Variants in SRBD1 observed in about 807,000 individuals in gnomAD.
SRBD1 encodes the protein S1 RNA-binding domain-containing protein 1.
A neutral mutation model predicts 115.3 loss-of-function variants in SRBD1; 88 were observed. That is an observed-to-expected ratio of 0.76 (90% CI 0.64 to 0.91). The LOEUF (loss-of-function observed/expected upper bound fraction) is 0.91. Ranked by LOEUF, SRBD1 falls within the 40% of genes least tolerant of loss-of-function variation. SRBD1 has a pLI of 0.00. For missense variants in SRBD1, 1,385 were observed against 1,177.4 expected, an observed-to-expected ratio of 1.18 and a Z score of -2.58; for synonymous variants, 509 against 407.7, an observed-to-expected ratio of 1.25 and a Z score of -2.99.
intron 14 of SRBD1, among the ~76,000 whole-genome samples, chr2:45,500,153 T>A (rs1670583131): frequency 1.3e-5 from 2 of 152,114 alleles, no homozygotes; most frequent in African/African-American, 4.8e-5. Flanking sequence ...CAACTTTCCA[T>A]CCTCTTTAAT....
intron 3 of SRBD1, among the ~76,000 whole-genome samples, chr2:45,601,090 A>G (rs1364570346): frequency 1.3e-5 from 2 of 152,232 alleles, no homozygotes; most frequent in Non-Finnish European, 2.9e-5. Context: ...TGACATATCT[A>G]AAGAAAGTGT....
At chr2:45,508,112 T>G (rs1670853206) in intron 14 of SRBD1, among the ~76,000 whole-genome samples, 1 of 152,202 alleles carries the variant, frequency 6.6e-6, no homozygotes. Flanking sequence ...GTTCAGCTAT[T>G]CAGTCACACT....
At chr2:45,483,596 AC>A (rs1215290147) in intron 15 of SRBD1, among the ~76,000 whole-genome samples, 3 of 152,148 alleles carry the variant, frequency 2.0e-5, no homozygotes, top group African/African-American at 7.2e-5. Context: ...TGCTTAAAAG[AC>A]TATACTGAAC....
chr2:45,459,762 C>T (rs1195780715), intron 16 of SRBD1, among the ~76,000 whole-genome samples: 3 of 152,096 alleles, frequency 2.0e-5, no homozygotes, highest in Non-Finnish European at 4.4e-5. Flanking sequence ...AAATTACTTT[C>T]CCAAGGTGAC....
chr2:45,553,601 T>C, intron 11 of SRBD1, 22 bp downstream of exon 11: 1 of 1,497,344 alleles, frequency 6.7e-7, no homozygotes, highest in Non-Finnish European at 9.0e-7. Flanking sequence ...GTACACAAAA[T>C]TAAACAAGAC....
chr2:45,465,315 C>CT (rs564494777), intron 16 of SRBD1, among the ~76,000 whole-genome samples: 1 of 152,028 alleles, frequency 6.6e-6, no homozygotes, highest in Non-Finnish European at 1.5e-5. Flanking sequence ...TGCAACTATC[C>CT]TTTTTTTCCT....
chr2:45,435,935 C>G (rs1668484851), intron 16 of SRBD1, among the ~76,000 whole-genome samples: 1 of 152,016 alleles, frequency 6.6e-6, no homozygotes, highest in African/African-American at 2.4e-5. Flanking sequence ...ACCTTAATTC[C>G]AAAACCAGAC....
chr2:45,406,076 T>TA (rs1330128558), intron 19 of SRBD1, among the ~76,000 whole-genome samples: 1 of 152,106 alleles, frequency 6.6e-6, no homozygotes, highest in Non-Finnish European at 1.5e-5. Flanking sequence ...AAAGCTATTA[T>TA]AAAAAACCTT....
rs138295553 is a variant in SRBD1, at chr2:45,463,783, T to G, written c.2049+13210A>C. ...TTGGAGTAATCTTATTCTACTATTT[T>G]TAGTCTACAAACTATGCATCCACAC... On this transcript the variant is annotated intron_variant, in intron 16 of 20. Coordinates refer to ENST00000263736, the MANE Select transcript of SRBD1 (RefSeq NM_018079.5). Among the ~76,000 whole-genome samples, 308 of 152,304 alleles carry G rather than the reference T, an allele frequency of 2.0e-3. 2 individuals carry two copies. The highest frequency in any genetic ancestry group is 7.2e-3 in the African/African-American group (301 of 41,566).
intron 16 of SRBD1, among the ~76,000 whole-genome samples, chr2:45,465,685 T>C (rs1669465894): frequency 6.6e-6 from 1 of 152,210 alleles, no homozygotes; most frequent in African/African-American, 2.4e-5. Flanking sequence ...AAATTTTAAG[T>C]GAAAGGCTAC....
At chr2:45,445,550 T>TAAAAAAAAAAAAAAA (rs59451865) in intron 16 of SRBD1, among the ~76,000 whole-genome samples, 5 of 37,042 alleles carry the variant, frequency 1.3e-4, no homozygotes, top group Non-Finnish European at 1.9e-4. Flanking sequence ...TTCCCAGAGG[T>TAAAAAAAAAAAAAAA]AAAAAAAAAA....
In SRBD1 at chr2:45,428,555, A is replaced by AAAATAAAT. The variant is rs986693164; in HGVS notation, c.2050-8669_2050-8662dup. 4.6e-3 allele frequency among the ~76,000 whole-genome samples: 688 copies of AAAATAAAT among 150,480 alleles called. 7 individuals are homozygous for AAAATAAAT. The highest frequency in any genetic ancestry group is 0.016 in the African/African-American group (645 of 40,302). ...CGACAGAACGAGACTCCGTCTCAAA[A>AAAATAAAT]AAATAAATAAATAAATAAATAAATA... On this transcript the variant is annotated intron_variant, in intron 16 of 20. Transcript: ENST00000263736.
intron 14 of SRBD1, among the ~76,000 whole-genome samples, chr2:45,524,663 A>G (rs561476320): frequency 6.6e-6 from 1 of 152,198 alleles, no homozygotes; most frequent in Admixed American, 6.5e-5. Flanking sequence ...ATAAGTGGAA[A>G]GACATCAAAT....
intron 10 of SRBD1, among the ~76,000 whole-genome samples, chr2:45,558,956 T>C (rs1672572740): frequency 6.6e-6 from 1 of 152,170 alleles, no homozygotes; most frequent in Non-Finnish European, 1.5e-5. Flanking sequence ...CACCTTGGTC[T>C]CCCAAAGTGC....
At chr2:45,440,850 ATCC>A (rs1300839176) in intron 16 of SRBD1, among the ~76,000 whole-genome samples, 1 of 152,144 alleles carries the variant, frequency 6.6e-6, no homozygotes, top group African/African-American at 2.4e-5. Flanking sequence ...GCAGGGAGGC[ATCC>A]TCCTGGTGTT....
At chr2:45,430,434 A>G (rs1007669783) in intron 16 of SRBD1, among the ~76,000 whole-genome samples, 2 of 152,218 alleles carry the variant, frequency 1.3e-5, no homozygotes, top group Non-Finnish European at 1.5e-5. Flanking sequence ...TGGTACTGGT[A>G]CCAAAACAAA....
chr2:45,511,923 A>G (rs1670983713), intron 14 of SRBD1, among the ~76,000 whole-genome samples: 1 of 152,202 alleles, frequency 6.6e-6, no homozygotes, highest in Non-Finnish European at 1.5e-5. Flanking sequence ...TTACAAATGT[A>G]TGACATGATC....
chr2:45,517,550 T>G (rs1671157462), intron 14 of SRBD1, among the ~76,000 whole-genome samples: 1 of 152,238 alleles, frequency 6.6e-6, no homozygotes, highest in Non-Finnish European at 1.5e-5. Context: ...TCATCAAGCA[T>G]TAATCAGAAA....
At chr2:45,543,605 A>T (rs1430669031) in intron 14 of SRBD1, among the ~76,000 whole-genome samples, 2 of 152,184 alleles carry the variant, frequency 1.3e-5, no homozygotes, top group Non-Finnish European at 2.9e-5. Context: ...GTAACTTCAA[A>T]GTGTAAGATG....
Sources: gnomAD v4.1 joint callset for allele counts (sites outside exome capture counted in the v4.1 genomes callset) on GRCh38, gnomAD v4.1.1 for gene constraint, MANE v1.5 for transcripts, NCBI Gene and HGNC (gene_info 2026-07-23, HGNC 2026-07-21) for gene names.